EGFR: variants seen among roughly 807,000 people sequenced by gnomAD.
EGFR encodes avian erythroblastic leukemia viral (v-erb-b) oncogene homolog.
Under a neutral mutation model 143.0 loss-of-function variants are expected in EGFR, and 58 were observed. The observed-to-expected ratio is 0.41, with a 90% confidence interval of 0.33 to 0.50. EGFR has a LOEUF of 0.50. Ranked by LOEUF, EGFR falls within the 20% of genes least tolerant of loss-of-function variation. The probability of loss-of-function intolerance (pLI) is 0.39; values close to 1 mark genes in which losing one functional copy is unlikely to be tolerated. For missense variants in EGFR, 1,307 were observed against 1,579.0 expected (o/e 0.83, Z 2.92); for synonymous variants, 613 against 594.4 (o/e 1.03, Z -0.45).
chr7:55,150,896 A>G (rs1410324104), intron 4 of EGFR, among the ~76,000 whole-genome samples: 2 of 152,330 alleles, frequency 1.3e-5, no homozygotes, highest in East Asian at 3.9e-4. Context: ...GTCACTCAAG[A>G]CTGGACACAG....
At chr7:55,166,270 A>G (rs1035747545) in intron 15 of EGFR, 3 of 567,442 alleles carry the variant, frequency 5.3e-6, no homozygotes, top group Non-Finnish European at 1.0e-5. Flanking sequence ...CCACTCAACA[A>G]TCAGAAAGAG....
At chr7:55,202,741 A>G in intron 27 of EGFR, 116 bp downstream of exon 27, 1 of 934,576 alleles carries the variant, frequency 1.1e-6, no homozygotes, top group Non-Finnish European at 1.7e-6. Flanking sequence ...AGGGGGAAAC[A>G]GTGGCAGATT....
intron 1 of EGFR, among the ~76,000 whole-genome samples, chr7:55,048,156 A>G (rs1201155053): frequency 6.6e-6 from 1 of 152,188 alleles, no homozygotes; most frequent in Non-Finnish European, 1.5e-5. Flanking sequence ...TGATAATAAA[A>G]AAATCCTTAG....
At chr7:55,113,997 G>C (rs1562725911) in intron 1 of EGFR, among the ~76,000 whole-genome samples, 1 of 152,226 alleles carries the variant, frequency 6.6e-6, no homozygotes, top group African/African-American at 2.4e-5. Flanking sequence ...CTTGTGGCCA[G>C]GGTGGGAAGC....
chr7:55,158,393 A>T (rs1404930752), intron 11 of EGFR, among the ~76,000 whole-genome samples: 2 of 152,190 alleles, frequency 1.3e-5, no homozygotes, highest in South Asian at 4.1e-4. Context: ...TGCTGCCCCT[A>T]CTTGACTCTT....
At chr7:55,142,568 G>C in intron 2 of EGFR, 131 bp downstream of exon 2, 4 of 1,200,362 alleles carry the variant, frequency 3.3e-6, no homozygotes, top group Non-Finnish European at 4.8e-6. Context: ...AGCTACAAAC[G>C]AGAGTTTTAT....
At chr7:55,035,500 C>A (rs1787504133) in intron 1 of EGFR, among the ~76,000 whole-genome samples, 1 of 138,872 alleles carries the variant, frequency 7.2e-6, no homozygotes. Flanking sequence ...TAGCAAAACC[C>A]CGTCTTCACT....
Position 55,169,098 on chromosome 7 carries a change from T to C in EGFR, c.1881-2077T>C, listed in dbSNP as rs142311113. On this transcript the variant is annotated intron_variant, in intron 15 of 27. Coordinates refer to ENST00000275493, the MANE Select transcript of EGFR (RefSeq NM_005228.5). ...GGGGGAGGAACCCTGGAGGAATAGC[T>C]ATTTCTTTTTTTTTTTTGTCGAGAC... 1.7e-3 allele frequency among the ~76,000 whole-genome samples: 258 copies of C among 150,380 alleles called. 2 individuals carry two copies. Among genetic ancestry groups the C allele is most frequent in the East Asian group, 1.6e-3 (8 of 4,994 alleles).
intron 1 of EGFR, among the ~76,000 whole-genome samples, chr7:55,057,357 A>G (rs1271823004): frequency 2.6e-5 from 4 of 152,206 alleles, no homozygotes; most frequent in Non-Finnish European, 5.9e-5. Flanking sequence ...CTTCCCTGAC[A>G]CTGAGCACCT....
intron 19 of EGFR, 82 bp from the exon 20 acceptor site, chr7:55,181,211 G>A (rs768781294): frequency 1.9e-5 from 28 of 1,511,330 alleles, no homozygotes; most frequent in South Asian, 3.4e-5. Context: ...GCATTCATGC[G>A]TCTTCACCTG....
In EGFR at chr7:55,181,394, C is replaced by T. The variant is rs375332959; in HGVS notation, c.2385C>T (p.Phe795=). 2.5e-5 allele frequency: 40 copies of T among 1,614,104 alleles called. No individual in the cohort carries two copies. The highest frequency in any genetic ancestry group is 3.3e-5 in the Non-Finnish European group (39 of 1,180,040). ...AGCTCATCACGCAGCTCATGCCCTTCGGCTGCCTCCTGGACTATGTCCGGG... is the reference window on the plus strand; with the variant it reads ...AGCTCATCACGCAGCTCATGCCCTTTGGCTGCCTCCTGGACTATGTCCGGG... ...TVQLITQLMP[F]GCLLDYVREH... The change falls in exon 20 of 28, where the codon TTC becomes TTT. Residue 795 remains phenylalanine, a synonymous_variant. Coordinates refer to ENST00000275493, the MANE Select transcript of EGFR (RefSeq NM_005228.5).
intron 1 of EGFR, among the ~76,000 whole-genome samples, chr7:55,130,070 C>T (rs1197577980): frequency 7.2e-6 from 1 of 139,064 alleles, no homozygotes; most frequent in Non-Finnish European, 1.6e-5. Flanking sequence ...ATGGGTGAAG[C>T]TGAAAACATT....
intron 1 of EGFR, among the ~76,000 whole-genome samples, chr7:55,134,695 AAAATG>A (rs1363415960): frequency 3.5e-4 from 54 of 152,380 alleles, no homozygotes; most frequent in African/African-American, 1.3e-3. Flanking sequence ...TTGCCCATAA[AAAATG>A]GAAAGTGATT....
At chr7:55,170,421 G>A (rs1256307246) in intron 15 of EGFR, 3 of 1,614,166 alleles carry the variant, frequency 1.9e-6, no homozygotes, top group Admixed American at 1.7e-5. Context: ...CTGCTCAGGA[G>A]TCATGCTTAG....
intron 1 of EGFR, among the ~76,000 whole-genome samples, chr7:55,111,334 G>A (rs1455457591): frequency 1.3e-5 from 2 of 151,728 alleles, no homozygotes; most frequent in Non-Finnish European, 2.9e-5. Flanking sequence ...CAGCTGCCCA[G>A]CGAGGCAGGT....
chr7:55,198,888 C>T (rs2128968981), intron 23 of EGFR, 25 bp downstream of exon 23: 1 of 1,613,634 alleles, frequency 6.2e-7, no homozygotes, highest in African/African-American at 1.3e-5. Flanking sequence ...GGTCTGTCCA[C>T]ACTGCCTAGC....
intron 1 of EGFR, among the ~76,000 whole-genome samples, chr7:55,103,741 C>T (rs1203637224): frequency 6.6e-6 from 1 of 152,166 alleles, no homozygotes; most frequent in Non-Finnish European, 1.5e-5. Context: ...CTGTAAAAGA[C>T]TCTTAAATAT....
intron 1 of EGFR, among the ~76,000 whole-genome samples, chr7:55,137,414 T>A (rs1241747727): frequency 6.6e-6 from 1 of 152,150 alleles, no homozygotes; most frequent in Non-Finnish European, 1.5e-5. Flanking sequence ...ATAAGTAATA[T>A]AGATTTGCCC....
intron 1 of EGFR, among the ~76,000 whole-genome samples, chr7:55,027,216 T>C (rs1786947136): frequency 6.6e-6 from 1 of 152,268 alleles, no homozygotes; most frequent in East Asian, 1.9e-4. Context: ...TGTAATGCAA[T>C]GTTTTATAAC....
Sources: gnomAD v4.1 joint callset for allele counts (sites outside exome capture counted in the v4.1 genomes callset) on GRCh38, gnomAD v4.1.1 for gene constraint, MANE v1.5 for transcripts, NCBI Gene and HGNC (gene_info 2026-07-23, HGNC 2026-07-21) for gene names.